The following SHISA9 variants were observed in gnomAD, a reference collection of about 807,000 sequenced individuals.
SHISA9 encodes protein shisa-9.
Under a neutral mutation model 38.0 loss-of-function variants are expected in SHISA9, and 13 were observed. The ratio of observed to expected loss-of-function variants is 0.34; its 90% CI spans 0.22 to 0.54. The LOEUF (loss-of-function observed/expected upper bound fraction) is 0.54. SHISA9 is among the 20% of genes least tolerant of loss of function. SHISA9 has a pLI of 0.91. For missense variants in SHISA9, 538 were observed against 575.8 expected, an observed-to-expected ratio of 0.93 and a Z score of 0.67; for synonymous variants, 275 against 242.0, an observed-to-expected ratio of 1.14 and a Z score of -1.27.
At chr16:13,521,169 C>T in the SHISA9 span, among the ~76,000 whole-genome samples, 4 of 152,146 alleles carry the variant, frequency 2.6e-5, no homozygotes, top group Non-Finnish European at 5.9e-5. Context: ...CTGATCATTA[C>T]TGGGTGGAAA....
chr16:13,527,625 A>T, the SHISA9 span, among the ~76,000 whole-genome samples: 34 of 152,308 alleles, frequency 2.2e-4, no homozygotes, highest in East Asian at 4.2e-3. Flanking sequence ...TGAAGCAAAC[A>T]CACTCAGAGA....
intron 4 of SHISA9, among the ~76,000 whole-genome samples, chr16:13,228,649 C>T (rs764090440): frequency 6.6e-6 from 1 of 152,106 alleles, no homozygotes; most frequent in Non-Finnish European, 1.5e-5. Context: ...AGATAGCTTC[C>T]ACCCCTATTC....
At chr16:13,243,769 G>GTTTTTT (rs34605909), downstream of SHISA9, among the ~76,000 whole-genome samples, 27 of 89,794 alleles carry the variant, frequency 3.0e-4, 1 homozygote, top group Non-Finnish European at 3.9e-4. Flanking sequence ...TTACAGCAGC[G>GTTTTTT]TTTTTTTTTT....
the SHISA9 span, among the ~76,000 whole-genome samples, chr16:13,422,738 A>C: frequency 6.6e-6 from 1 of 151,778 alleles, no homozygotes; most frequent in East Asian, 1.9e-4. Context: ...AACAAAAACC[A>C]CCACCACCAA....
chr16:13,129,302 T>G (rs1429835779), intron 2 of SHISA9, among the ~76,000 whole-genome samples: 1 of 152,206 alleles, frequency 6.6e-6, no homozygotes, highest in Non-Finnish European at 1.5e-5. Flanking sequence ...CACAGTACAG[T>G]GAGCTTTGCT....
the SHISA9 span, among the ~76,000 whole-genome samples, chr16:13,506,771 G>T: frequency 6.6e-6 from 1 of 152,120 alleles, no homozygotes; most frequent in African/African-American, 2.4e-5. Flanking sequence ...CACTGGGCAT[G>T]GTGCTATAAT....
At chr16:13,292,642 C>A in the SHISA9 span, among the ~76,000 whole-genome samples, 31 of 152,060 alleles carry the variant, frequency 2.0e-4, no homozygotes, top group African/African-American at 7.2e-4. Context: ...TTGTTCCTAT[C>A]AAATACAATC....
intron 2 of SHISA9, among the ~76,000 whole-genome samples, chr16:13,000,157 G>C (rs771273238): frequency 6.6e-6 from 1 of 151,734 alleles, no homozygotes; most frequent in Admixed American, 6.6e-5. Flanking sequence ...GGAGTCAGAC[G>C]TCCCTGAAAC....
At chr16:13,289,523 A>C in the SHISA9 span, among the ~76,000 whole-genome samples, 1 of 151,990 alleles carries the variant, frequency 6.6e-6, no homozygotes, top group African/African-American at 2.4e-5. Flanking sequence ...AGCAAAAAGC[A>C]AACAAACAAA....
At chr16:12,975,447 G>A (rs1012303678) in intron 2 of SHISA9, among the ~76,000 whole-genome samples, 6 of 152,042 alleles carry the variant, frequency 3.9e-5, no homozygotes, top group Non-Finnish European at 8.8e-5. Flanking sequence ...AGGTTGCAGT[G>A]AGCTGAGATT....
At chr16:13,215,503 T>C (rs900908509) in intron 4 of SHISA9, among the ~76,000 whole-genome samples, 1 of 152,198 alleles carries the variant, frequency 6.6e-6, no homozygotes, top group Non-Finnish European at 1.5e-5. Context: ...ACCTCCTAAT[T>C]TGAGGCATTA....
the SHISA9 span, among the ~76,000 whole-genome samples, chr16:13,530,110 C>G: frequency 6.6e-6 from 1 of 152,090 alleles, no homozygotes; most frequent in Non-Finnish European, 1.5e-5. Flanking sequence ...GCCAGCCTGG[C>G]CAACATGGTG....
chr16:12,938,588 C>T (rs1161354636), intron 2 of SHISA9, among the ~76,000 whole-genome samples: 1 of 152,024 alleles, frequency 6.6e-6, no homozygotes, highest in African/African-American at 2.4e-5. Flanking sequence ...ACCTTTGCCT[C>T]CCAGGTTCAA....
chr16:13,536,906 G>T, the SHISA9 span, among the ~76,000 whole-genome samples: 1 of 152,156 alleles, frequency 6.6e-6, no homozygotes, highest in African/African-American at 2.4e-5. Flanking sequence ...CCACACTAAT[G>T]TTGTCCTACT....
intron 1 of SHISA9, among the ~76,000 whole-genome samples, chr16:12,913,732 C>G (rs774932733): frequency 6.6e-6 from 1 of 152,188 alleles, no homozygotes; most frequent in Admixed American, 6.5e-5. Flanking sequence ...TTTGCCTGTT[C>G]TGGACATTGG....
chr16:13,294,057 C>G, the SHISA9 span, among the ~76,000 whole-genome samples: 1 of 152,134 alleles, frequency 6.6e-6, no homozygotes, highest in African/African-American at 2.4e-5. Context: ...GCAAGCCACA[C>G]AATTATTGCA....
chr16:12,988,785 A>G (rs540694853), intron 2 of SHISA9, among the ~76,000 whole-genome samples: 6 of 152,110 alleles, frequency 3.9e-5, no homozygotes, highest in African/African-American at 1.4e-4. Context: ...TTGGCCTCCT[A>G]AAGTGCTGGG....
At chr16:13,006,380 C>T (rs754841901) in intron 2 of SHISA9, among the ~76,000 whole-genome samples, 5 of 152,102 alleles carry the variant, frequency 3.3e-5, no homozygotes, top group African/African-American at 4.8e-5. Context: ...CACTGCCACC[C>T]GTCAACATAT....
the SHISA9 span, among the ~76,000 whole-genome samples, chr16:13,309,853 G>C: frequency 6.6e-6 from 1 of 151,598 alleles, no homozygotes; most frequent in Non-Finnish European, 1.5e-5. Flanking sequence ...TCCAAGTTCT[G>C]TATTTTATTT....
Sources: gnomAD v4.1 joint callset for allele counts (sites outside exome capture counted in the v4.1 genomes callset) on GRCh38, gnomAD v4.1.1 for gene constraint, MANE v1.5 for transcripts, NCBI Gene and HGNC (gene_info 2026-07-23, HGNC 2026-07-21) for gene names.